The following PPP6R2 variants were observed in gnomAD, a reference collection of about 807,000 sequenced individuals.
PPP6R2 encodes protein phosphatase 6 regulatory subunit 2, also known as serine/threonine-protein phosphatase 6 regulatory subunit 2.
PPP6R2 carries 62 observed loss-of-function variants against 100.2 expected under a neutral mutation model. The observed-to-expected ratio is 0.62, with a 90% CI of 0.50 to 0.76. PPP6R2 has a LOEUF of 0.76. Ranked by LOEUF, PPP6R2 falls within the 30% of genes least tolerant of loss-of-function variation. The probability of loss-of-function intolerance (pLI) is 0.00; values close to 1 mark genes in which losing one functional copy is unlikely to be tolerated. For missense variants in PPP6R2, 1,142 were observed against 1,276.3 expected, an observed-to-expected ratio of 0.89 and a Z score of 1.60; for synonymous variants, 525 against 514.7, an observed-to-expected ratio of 1.02 and a Z score of -0.27.
chr22:50,441,192 C>T (rs542405173), intron 22 of PPP6R2, 166 bp downstream of exon 22: 14 of 644,238 alleles, frequency 2.2e-5, no homozygotes, highest in East Asian at 5.5e-5. Context: ...GCTGAGGCGG[C>T]GGTGGTGCCC....
chr22:50,375,994 G>A (rs569160326), intron 2 of PPP6R2, among the ~76,000 whole-genome samples: 52 of 151,590 alleles, frequency 3.4e-4, no homozygotes, highest in Middle Eastern at 6.8e-3. Flanking sequence ...GCGTGTGTCC[G>A]GCTAATTTTT....
chr22:50,376,860 T>G (rs956580994), intron 2 of PPP6R2, among the ~76,000 whole-genome samples: 11 of 152,072 alleles, frequency 7.2e-5, no homozygotes, highest in African/African-American at 2.7e-4. Flanking sequence ...ACCCCGTGTC[T>G]ACTAAAAATA....
chr22:50,411,156 A>G (rs1334796285), intron 4 of PPP6R2, among the ~76,000 whole-genome samples: 8 of 152,180 alleles, frequency 5.3e-5, no homozygotes, highest in African/African-American at 1.9e-4. Flanking sequence ...GGTTGTATGA[A>G]ATAATATGAA....
intron 12 of PPP6R2, 139 bp from the exon 13 acceptor site, chr22:50,434,826 CG>C: frequency 7.5e-6 from 5 of 670,410 alleles, no homozygotes; most frequent in Non-Finnish European, 7.2e-6. Context: ...GGAGGAGGGC[CG>C]GGGGCGCGGA....
At chr22:50,443,827 T>TG in intron 22 of PPP6R2, 39 bp from the exon 23 acceptor site, 5 of 1,537,244 alleles carry the variant, frequency 3.3e-6, no homozygotes, top group Non-Finnish European at 4.4e-6. Context: ...GCACTGAGGG[T>TG]GGGGGTGCCC....
chr22:50,355,850 AAACC>A (rs1250825054), intron 1 of PPP6R2, among the ~76,000 whole-genome samples: 37 of 151,698 alleles, frequency 2.4e-4, no homozygotes, highest in Admixed American at 7.2e-4. Context: ...GGAAAAAAAA[AAACC>A]AAAAAAAAAG....
chr22:50,370,496 C>A (rs539892431), intron 1 of PPP6R2, among the ~76,000 whole-genome samples: 1 of 151,726 alleles, frequency 6.6e-6, no homozygotes, highest in Non-Finnish European at 1.5e-5. Context: ...ACTATGTTGG[C>A]CAGACTGGTC....
intron 1 of PPP6R2, among the ~76,000 whole-genome samples, chr22:50,368,923 A>G (rs2049350030): frequency 6.6e-6 from 1 of 152,242 alleles, no homozygotes. Context: ...ACTCAAGATT[A>G]GAATAAACAG....
At chr22:50,394,501 A>T (rs2056327879) in intron 3 of PPP6R2, among the ~76,000 whole-genome samples, 1 of 149,266 alleles carries the variant, frequency 6.7e-6, no homozygotes, top group Non-Finnish European at 1.5e-5. Context: ...CGGGAGGCCG[A>T]GGTAGGAGGA....
intron 2 of PPP6R2, among the ~76,000 whole-genome samples, chr22:50,390,349 C>CA (rs1039388075): frequency 1.3e-5 from 2 of 152,038 alleles, no homozygotes; most frequent in Non-Finnish European, 2.9e-5. Context: ...AGATGAAAGT[C>CA]AAAGGATGTT....
rs1374907050 is a variant in PPP6R2, at chr22:50,444,400, G to T, written c.*153G>T. Reference sequence around the variant, plus strand: ...GCTGGCAGTTGAAACCAGTTGGACGGCCCAGCTTGCGTCTCTTCTGCCTGA... The same window carrying T: ...GCTGGCAGTTGAAACCAGTTGGACGTCCCAGCTTGCGTCTCTTCTGCCTGA... On this transcript the variant is annotated 3_prime_UTR_variant, in exon 24 of 24. Transcript: ENST00000612753. 9.6e-7 allele frequency: 1 copy of T among 1,037,842 alleles called. No individual in the cohort carries two copies. The highest frequency in any genetic ancestry group is 1.4e-6 in the Non-Finnish European group (1 of 719,028). 64.3% of individuals were successfully genotyped at this position (1,037,842 alleles called of 1,614,324 possible).
At chr22:50,338,891 G>T (rs1222260356), upstream of PPP6R2, among the ~76,000 whole-genome samples, 8 of 124,912 alleles carry the variant, frequency 6.4e-5, 1 homozygote, top group Admixed American at 4.0e-4. Flanking sequence ...GTGTTATGTG[G>T]GGTATGTGTG....
intron 19 of PPP6R2, among the ~76,000 whole-genome samples, chr22:50,439,401 AG>A (rs1191319912): frequency 3.3e-5 from 5 of 152,128 alleles, no homozygotes; most frequent in African/African-American, 1.2e-4. Context: ...TGGGTAGGAC[AG>A]GGCAGTGGCA....
intron 1 of PPP6R2, among the ~76,000 whole-genome samples, chr22:50,350,712 G>T (rs2044889931): frequency 6.6e-6 from 1 of 151,570 alleles, no homozygotes; most frequent in African/African-American, 2.4e-5. Context: ...GGGTGTGGTG[G>T]TGGGCGCCTG....
rs1047193921 is a variant in PPP6R2, at chr22:50,437,198, G to A, written c.1683+130G>A. The stretch of plus-strand genomic sequence containing the variant: ...GGAGCGGGGGCTCGTCTCCGAGCAC[G>A]TATGGGGCGGGGTGGGTCTGAAGGG... On this transcript the variant is annotated intron_variant, in intron 15 of 23. Transcript: ENST00000612753. 4.1e-5 allele frequency: 37 copies of A among 909,762 alleles called. 1 individual carries two copies. The highest frequency in any genetic ancestry group is 4.6e-5 in the South Asian group (3 of 65,796). 56.4% of individuals were successfully genotyped at this position (909,762 alleles called of 1,614,324 possible).
At chr22:50,418,600 A>T (rs997113586) in intron 6 of PPP6R2, among the ~76,000 whole-genome samples, 5 of 151,794 alleles carry the variant, frequency 3.3e-5, no homozygotes, top group African/African-American at 1.2e-4. Context: ...GTTAGCCAGG[A>T]TGGTCTTGAT....
chr22:50,351,026 G>GTTTTTTT (rs1195469509), intron 1 of PPP6R2, among the ~76,000 whole-genome samples: 6 of 80,742 alleles, frequency 7.4e-5, no homozygotes, highest in Non-Finnish European at 9.0e-5. Context: ...TCTCAACAGT[G>GTTTTTTT]TTTTTTTTTT....
chr22:50,350,700 C>T (rs1187540404), intron 1 of PPP6R2, among the ~76,000 whole-genome samples: 1 of 151,376 alleles, frequency 6.6e-6, no homozygotes, highest in East Asian at 2.0e-4. Context: ...AAAAAATTAG[C>T]CGGGTGTGGT....
the PPP6R2 span, among the ~76,000 whole-genome samples, chr22:50,332,059 C>T: frequency 3.9e-5 from 6 of 152,046 alleles, no homozygotes; most frequent in Non-Finnish European, 8.8e-5. Context: ...GCCACCACAC[C>T]CAGGTATCTT....
Sources: allele counts gnomAD v4.1 joint callset (sites outside exome capture counted in the v4.1 genomes callset), GRCh38; gene constraint gnomAD v4.1.1; transcripts MANE v1.5; gene names NCBI Gene and HGNC (gene_info 2026-07-23, HGNC 2026-07-21).